ADD2: variants seen among roughly 807,000 people sequenced by gnomAD.
ADD2 encodes the protein beta-adducin.
A neutral mutation model predicts 83.0 loss-of-function variants in ADD2; 23 were observed. The ratio of observed to expected loss-of-function variants is 0.28; its 90% CI spans 0.20 to 0.39. The LOEUF (loss-of-function observed/expected upper bound fraction) is 0.39, where lower values mean the gene tolerates loss of function less well. Among genes scored for constraint, ADD2 ranks in the 10% least tolerant of loss-of-function variants. The pLI is 1.00. For missense variants in ADD2, 758 were observed against 944.9 expected, an observed-to-expected ratio of 0.80 and a Z score of 2.59; for synonymous variants, 375 against 375.4, an observed-to-expected ratio of 1.00 and a Z score of 0.01.
In ADD2 at chr2:70,664,104, G is replaced by A. The variant is rs1358224754; in HGVS notation, c.1871-369C>T. Among the ~76,000 whole-genome samples, 3 of 152,342 alleles carry A rather than the reference G, an allele frequency of 2.0e-5. No individual in the cohort carries two copies. The East Asian group carries it at 5.8e-4, about 29-fold the overall frequency. Reference sequence around the variant, plus strand: ...GAGAAGGCGTGAGGTGTACAGCTTGGTGGAGACATCTAAGCATTGCTGTAA... The same window carrying A: ...GAGAAGGCGTGAGGTGTACAGCTTGATGGAGACATCTAAGCATTGCTGTAA... On this transcript the variant is annotated intron_variant, in intron 15 of 15. Coordinates refer to ENST00000264436, the MANE Select transcript of ADD2 (RefSeq NM_001617.4).
intron 1 of ADD2, among the ~76,000 whole-genome samples, chr2:70,752,939 A>G (rs1224891846): frequency 6.6e-6 from 1 of 152,218 alleles, no homozygotes; most frequent in African/African-American, 2.4e-5. Context: ...TGTACAGTAA[A>G]GTTCCAGAAG....
intron 1 of ADD2, among the ~76,000 whole-genome samples, chr2:70,725,217 T>A (rs1672927643): frequency 6.6e-6 from 1 of 152,190 alleles, no homozygotes; most frequent in Non-Finnish European, 1.5e-5. Flanking sequence ...GGATAATGCC[T>A]GTCATAGAAG....
chr2:70,758,969 G>T (rs1044866739), intron 1 of ADD2, among the ~76,000 whole-genome samples: 5 of 152,144 alleles, frequency 3.3e-5, no homozygotes, highest in African/African-American at 1.2e-4. Context: ...CATCGACATG[G>T]AAACCAAAGT....
intron 1 of ADD2, among the ~76,000 whole-genome samples, chr2:70,739,576 G>A (rs1553380728): frequency 6.6e-6 from 1 of 152,200 alleles, no homozygotes; most frequent in African/African-American, 2.4e-5. Context: ...GAAGACACAT[G>A]CACACATATG....
chr2:70,767,085 C>A (rs1349096282), intron 1 of ADD2, among the ~76,000 whole-genome samples: 1 of 152,166 alleles, frequency 6.6e-6, no homozygotes, highest in Non-Finnish European at 1.5e-5. Context: ...CTAAAGCAGT[C>A]TGCCCCTCCC....
chr2:70,743,128 A>G (rs1558573996), intron 1 of ADD2, among the ~76,000 whole-genome samples: 1 of 152,208 alleles, frequency 6.6e-6, no homozygotes. Flanking sequence ...ATCTTATGAT[A>G]GACTGGTCAG....
At chr2:70,767,732 G>A in intron 1 of ADD2, 154 bp downstream of exon 1, 2 of 1,429,414 alleles carry the variant, frequency 1.4e-6, no homozygotes, top group Non-Finnish European at 1.8e-6. Flanking sequence ...AAAACACACC[G>A]CTGCCGGCCA....
intron 1 of ADD2, among the ~76,000 whole-genome samples, chr2:70,765,919 T>C (rs1675357831): frequency 6.6e-6 from 1 of 152,192 alleles, no homozygotes; most frequent in Non-Finnish European, 1.5e-5. Context: ...GAGGTGGTAA[T>C]AAATAAATAT....
At position 70,692,428 on chromosome 2, in the gene ADD2, T is replaced by G; in HGVS notation, c.680A>C (p.His227Pro). 2 of 1,600,130 alleles carry G rather than the reference T, an allele frequency of 1.2e-6. No homozygotes were observed. The highest frequency in any genetic ancestry group is 1.7e-6 in the Non-Finnish European group (2 of 1,172,330). The stretch of plus-strand genomic sequence containing the variant: ...CGCTGCTGTGGCCGGTGTGTGCAGG[T>G]GGATGATGCAGCGCACGTCGGGCCT... ...AARPDVRCII[H>P]LHTPATAAVS... The change falls in exon 7 of 16, where the codon CAC (histidine) becomes CCC (proline). Residue 227 changes from histidine to proline, a missense_variant. This residue lies in a region of ADD2 where 394 missense variants were observed against 509.3 expected (regional missense o/e 0.77). Transcript: ENST00000264436.
intron 1 of ADD2, among the ~76,000 whole-genome samples, chr2:70,754,159 T>G (rs1275728138): frequency 4.6e-5 from 7 of 152,182 alleles, no homozygotes; most frequent in Non-Finnish European, 1.5e-5. Context: ...GACAAGTGCT[T>G]TGGTAAACAA....
At chr2:70,755,039 TA>T (rs1446694033) in intron 1 of ADD2, among the ~76,000 whole-genome samples, 1 of 152,132 alleles carries the variant, frequency 6.6e-6, no homozygotes, top group African/African-American at 2.4e-5. Flanking sequence ...CACCCTTAGT[TA>T]AACCCTATGT....
chr2:70,694,506 G>A (rs140087457), intron 6 of ADD2, among the ~76,000 whole-genome samples: 45 of 152,226 alleles, frequency 3.0e-4, no homozygotes, highest in Non-Finnish European at 4.3e-4. Context: ...CCTTCCCAAG[G>A]TCACCTCCAG....
At chr2:70,717,430 G>A (rs1468582618) in intron 1 of ADD2, among the ~76,000 whole-genome samples, 5 of 152,246 alleles carry the variant, frequency 3.3e-5, no homozygotes, top group South Asian at 4.1e-4. Context: ...AGAGGCAGGC[G>A]CCATCTCCTG....
chr2:70,720,837 T>A (rs1672698146), intron 1 of ADD2, among the ~76,000 whole-genome samples: 1 of 152,166 alleles, frequency 6.6e-6, no homozygotes, highest in Admixed American at 6.5e-5. Context: ...TAAGCAGAAA[T>A]GATGGCATCC....
At chr2:70,666,696 G>T (rs1250963171) in intron 15 of ADD2, among the ~76,000 whole-genome samples, 1 of 152,148 alleles carries the variant, frequency 6.6e-6, no homozygotes, top group Non-Finnish European at 1.5e-5. Context: ...CCTCATCCAT[G>T]TCCCTTTGCC....
Position 70,706,089 on chromosome 2 carries a change from T to A in ADD2, c.183+137A>T, listed in dbSNP as rs1671869900. 2.3e-6 allele frequency: 2 copies of A among 858,306 alleles called. No individual in the cohort carries two copies. Among genetic ancestry groups the A allele is most frequent in the Non-Finnish European group, 3.5e-6 (2 of 573,566 alleles). The allele number at this position is 858,306 out of a possible 1,614,324, so 53.2% of individuals were successfully genotyped here. ...AGTGTCAAGGCCCCAGGTGACCAGA[T>A]CCGTCTTGCTCAGTGGGCTTACATT... On this transcript the variant is annotated intron_variant, in intron 3 of 15. Transcript: ENST00000264436. This position sits in a 1 kb window ranked among gnomAD's most constrained non-coding sequence, Gnocchi z 5.0.
chr2:70,729,421 G>A (rs1235397722), intron 1 of ADD2, among the ~76,000 whole-genome samples: 3 of 152,014 alleles, frequency 2.0e-5, no homozygotes, highest in South Asian at 2.1e-4. Flanking sequence ...AAATTCCCTC[G>A]GTTGGAACAC....
intron 15 of ADD2, among the ~76,000 whole-genome samples, chr2:70,664,531 CCA>C (rs1451661887): frequency 1.3e-5 from 2 of 152,230 alleles, no homozygotes; most frequent in Non-Finnish European, 2.9e-5. Context: ...GATTGTAAAA[CCA>C]CAGACTGAAA....
chr2:70,691,779 G>C (rs1413090690), intron 7 of ADD2: 2 of 152,156 alleles, frequency 1.3e-5, no homozygotes, highest in Non-Finnish European at 2.9e-5. Context: ...TGAGAAAACG[G>C]GCTGATGACA....
Sources: allele counts gnomAD v4.1 joint callset (sites outside exome capture counted in the v4.1 genomes callset), GRCh38; gene constraint gnomAD v4.1.1; regional missense constraint gnomAD v4.1.1; non-coding constraint Gnocchi (gnomAD v3.1); transcripts MANE v1.5; gene names NCBI Gene and HGNC (gene_info 2026-07-23, HGNC 2026-07-21).